Variants in CLDN10 observed in about 807,000 individuals in gnomAD.
The protein encoded by CLDN10 is claudin 10.
In CLDN10, 15 loss-of-function variants were observed where a neutral mutation model predicts 22.9. That is an observed-to-expected ratio of 0.65 (90% CI 0.44 to 1.01). The LOEUF (loss-of-function observed/expected upper bound fraction) is 1.01. CLDN10 is among the 50% of genes least tolerant of loss of function. The probability of loss-of-function intolerance (pLI) is 0.00; values close to 1 mark genes in which losing one functional copy is unlikely to be tolerated. For missense variants in CLDN10, 247 were observed against 287.8 expected (o/e 0.86, Z 1.03); for synonymous variants, 114 against 111.4 (o/e 1.02, Z -0.15).
intron 1 of CLDN10, among the ~76,000 whole-genome samples, chr13:95,537,805 C>T (rs1461907901): frequency 6.6e-6 from 1 of 152,186 alleles, no homozygotes; most frequent in African/African-American, 2.4e-5. Flanking sequence ...CACTCACCCA[C>T]GAGTAACAAA....
intron 1 of CLDN10, among the ~76,000 whole-genome samples, chr13:95,467,038 G>T (rs1438645630): frequency 7.8e-6 from 1 of 127,586 alleles, no homozygotes; most frequent in Middle Eastern, 4.3e-3. Flanking sequence ...CACCATGCCC[G>T]TTTTTTTTTT....
rs1443720547 is a variant in CLDN10 at position 95,478,289 on chromosome 13, C to G, written c.214+44242C>G. On this transcript the variant is annotated intron_variant, in intron 1 of 4. Transcript: ENST00000376873. ...CACCACTGCACTCCAGCCTGGACAACAGAGTGAGACTCTGTCTCAAAAATA... is the reference window on the plus strand; with the variant it reads ...CACCACTGCACTCCAGCCTGGACAAGAGAGTGAGACTCTGTCTCAAAAATA... Among the ~76,000 whole-genome samples the G allele has an allele frequency of 7.2e-5, 11 of 152,160 alleles. No individual in the cohort carries two copies. In the East Asian group the frequency reaches 1.9e-3, roughly 27 times the overall value.
chr13:95,525,953 A>AT (rs2043276585), intron 1 of CLDN10, among the ~76,000 whole-genome samples: 1 of 152,118 alleles, frequency 6.6e-6, no homozygotes. Context: ...AAATCCTCTT[A>AT]TTTGGATGTT....
intron 1 of CLDN10, among the ~76,000 whole-genome samples, chr13:95,480,892 T>C (rs554516609): frequency 2.8e-4 from 43 of 152,302 alleles, no homozygotes; most frequent in African/African-American, 9.6e-4. Flanking sequence ...CATAACTACA[T>C]GGCAGGCTAG....
chr13:95,529,644 C>T (rs987208947), intron 1 of CLDN10, among the ~76,000 whole-genome samples: 2 of 152,190 alleles, frequency 1.3e-5, no homozygotes, highest in East Asian at 3.9e-4. Context: ...CTTTTCCATT[C>T]CCCAAAAGTC....
At chr13:95,543,629 A>T (rs2138627620) in intron 1 of CLDN10, among the ~76,000 whole-genome samples, 1 of 152,152 alleles carries the variant, frequency 6.6e-6, no homozygotes, top group Non-Finnish European at 1.5e-5. Context: ...TATTTTTTCT[A>T]TTAGTTTGTT....
chr13:95,471,416 TATAC>T (rs1285028064), intron 1 of CLDN10, among the ~76,000 whole-genome samples: 8 of 115,318 alleles, frequency 6.9e-5, no homozygotes, highest in Middle Eastern at 4.5e-3. Flanking sequence ...CACACACACA[TATAC>T]ACACACACAC....
chr13:95,454,068 C>T (rs927349342), intron 1 of CLDN10, among the ~76,000 whole-genome samples: 1 of 152,238 alleles, frequency 6.6e-6, no homozygotes, highest in Admixed American at 6.5e-5. Flanking sequence ...AAGATCTACC[C>T]GCAACCAGGT....
intron 1 of CLDN10, among the ~76,000 whole-genome samples, chr13:95,476,705 A>G (rs1320389329): frequency 6.6e-6 from 1 of 152,062 alleles, no homozygotes; most frequent in East Asian, 1.9e-4. Flanking sequence ...GGAGAGAGAA[A>G]GGAGGATGCT....
chr13:95,540,038 G>A (rs1465601805), intron 1 of CLDN10, among the ~76,000 whole-genome samples: 8 of 151,908 alleles, frequency 5.3e-5, no homozygotes, highest in East Asian at 1.9e-4. Flanking sequence ...GGTGGCTCAC[G>A]CCTGTAATTC....
chr13:95,464,210 G>A (rs183930173), intron 1 of CLDN10, among the ~76,000 whole-genome samples: 5 of 151,800 alleles, frequency 3.3e-5, no homozygotes, highest in Admixed American at 1.3e-4. Context: ...CCATTAACTC[G>A]TCATTTACAT....
intron 1 of CLDN10, among the ~76,000 whole-genome samples, chr13:95,442,353 T>G (rs2042332232): frequency 6.6e-6 from 1 of 152,206 alleles, no homozygotes; most frequent in African/African-American, 2.4e-5. Flanking sequence ...CCTCTTAGAA[T>G]GCAAAGCCTG....
intron 1 of CLDN10, among the ~76,000 whole-genome samples, chr13:95,540,918 G>T (rs1367997709): frequency 6.6e-6 from 1 of 152,212 alleles, no homozygotes; most frequent in African/African-American, 2.4e-5. Context: ...TGCTCTTGTG[G>T]ACGTGTCATG....
rs141657022 is a variant in CLDN10, at chr13:95,472,452, T to C, written c.214+38405T>C. 4.2e-3 allele frequency among the ~76,000 whole-genome samples: 626 copies of C among 150,454 alleles called. 6 individuals carry two copies. Among genetic ancestry groups the C allele is most frequent in the Non-Finnish European group, 6.9e-3 (467 of 67,466 alleles). ...ATTCCAGCACTTTGGGAGGCCGAGGTGGGTAGATCACTTGAGGTCAGGAGT... is the reference window on the plus strand; with the variant it reads ...ATTCCAGCACTTTGGGAGGCCGAGGCGGGTAGATCACTTGAGGTCAGGAGT... On this transcript the variant is annotated intron_variant, in intron 1 of 4. Coordinates refer to the CLDN10 transcript ENST00000376873.
At chr13:95,439,215 G>A (rs1385659469) in intron 1 of CLDN10, among the ~76,000 whole-genome samples, 1 of 152,124 alleles carries the variant, frequency 6.6e-6, no homozygotes, top group African/African-American at 2.4e-5. Context: ...TAGTTCTGGA[G>A]GCTGTGAAGT....
intron 1 of CLDN10, among the ~76,000 whole-genome samples, chr13:95,544,016 A>G (rs141054025): frequency 6.6e-6 from 1 of 152,320 alleles, no homozygotes; most frequent in East Asian, 1.9e-4. Flanking sequence ...TTGAGAGTTC[A>G]TGCTTAACAT....
chr13:95,451,718 C>T lies in CLDN10; in HGVS notation c.214+17671C>T, dbSNP rs77692128. Among the ~76,000 whole-genome samples the T allele has an allele frequency of 6.2e-4, 95 of 152,318 alleles. 2 individuals carry two copies. The East Asian group carries it at 0.017, about 27-fold the overall frequency. On this transcript the variant is annotated intron_variant, in intron 1 of 4. Transcript: ENST00000376873. ...AGGGATCCAACAACTTCTTTCTATC[C>T]CTTGCCTGGAAGAGCACCCTGCATA...
chr13:95,443,487 C>T (rs770343182), intron 1 of CLDN10, among the ~76,000 whole-genome samples: 7 of 152,062 alleles, frequency 4.6e-5, no homozygotes, highest in East Asian at 1.9e-4. Context: ...TCCCGAGAAG[C>T]GGGAGACATG....
chr13:95,487,153 A>T (rs2042813328), intron 1 of CLDN10, among the ~76,000 whole-genome samples: 1 of 152,162 alleles, frequency 6.6e-6, no homozygotes, highest in African/African-American at 2.4e-5. Flanking sequence ...GCAGCCTATG[A>T]TGTCATTTCT....
Sources: allele counts gnomAD v4.1 joint callset (sites outside exome capture counted in the v4.1 genomes callset), GRCh38; gene constraint gnomAD v4.1.1; transcripts MANE v1.5; gene names NCBI Gene and HGNC (gene_info 2026-07-23, HGNC 2026-07-21).